PHF14: variants seen among roughly 807,000 people sequenced by gnomAD.
PHF14 encodes the protein PHD finger protein 14.
A neutral mutation model predicts 117.9 loss-of-function variants in PHF14; 55 were observed. That is an observed-to-expected ratio of 0.47 (90% CI 0.38 to 0.58). The LOEUF (loss-of-function observed/expected upper bound fraction) is 0.58, where lower values mean the gene tolerates loss of function less well. Among genes scored for constraint, PHF14 ranks in the 20% least tolerant of loss-of-function variants. The probability of loss-of-function intolerance (pLI) is 0.00; values close to 1 mark genes in which losing one functional copy is unlikely to be tolerated. For missense variants in PHF14, 978 were observed against 1,122.2 expected, an observed-to-expected ratio of 0.87 and a Z score of 1.84; for synonymous variants, 409 against 368.6, an observed-to-expected ratio of 1.11 and a Z score of -1.26.
chr7:11,072,678 G>C (rs978339614), intron 16 of PHF14, among the ~76,000 whole-genome samples: 1 of 132,862 alleles, frequency 7.5e-6, no homozygotes, highest in Non-Finnish European at 1.5e-5. Flanking sequence ...TATTGTGTTT[G>C]TCAGTCTGTT....
At chr7:11,086,660 T>G (rs1208082277) in intron 16 of PHF14, among the ~76,000 whole-genome samples, 1 of 152,230 alleles carries the variant, frequency 6.6e-6, no homozygotes, top group Admixed American at 6.5e-5. Flanking sequence ...TAATTAGTGG[T>G]ACTTATTTAA....
chr7:11,129,825 A>G (rs1788042104), intron 17 of PHF14, among the ~76,000 whole-genome samples: 1 of 152,030 alleles, frequency 6.6e-6, no homozygotes, highest in African/African-American at 2.4e-5. Flanking sequence ...TATCAAATTT[A>G]AAGTGTTAAA....
intron 17 of PHF14, among the ~76,000 whole-genome samples, chr7:11,122,517 CT>C (rs1016359139): frequency 6.7e-5 from 10 of 149,406 alleles, no homozygotes. Flanking sequence ...AGAACCCTAT[CT>C]TTATGCCCTA....
chr7:11,115,286 C>G (rs934348313), intron 17 of PHF14, among the ~76,000 whole-genome samples: 3 of 152,040 alleles, frequency 2.0e-5, no homozygotes, highest in African/African-American at 7.2e-5. Flanking sequence ...GACTTATCCC[C>G]TTTTTAACCA....
At chr7:11,079,059 C>T (rs1785978474) in intron 16 of PHF14, among the ~76,000 whole-genome samples, 3 of 152,118 alleles carry the variant, frequency 2.0e-5, no homozygotes, top group African/African-American at 2.4e-5. Flanking sequence ...GGAGCAATTA[C>T]ATTTATCCTA....
intron 17 of PHF14, among the ~76,000 whole-genome samples, chr7:11,145,106 T>G (rs1788508288): frequency 1.3e-5 from 2 of 151,964 alleles, no homozygotes. Context: ...AATTTTTATG[T>G]CTATTTTATA....
At chr7:11,052,867 T>C (rs1784889570) in intron 14 of PHF14, among the ~76,000 whole-genome samples, 1 of 152,136 alleles carries the variant, frequency 6.6e-6, no homozygotes, top group Non-Finnish European at 1.5e-5. Flanking sequence ...TCTGGGGAAA[T>C]CATTTATGTT....
chr7:10,983,507 T>G (rs1164170032), intron 3 of PHF14, among the ~76,000 whole-genome samples: 2 of 152,192 alleles, frequency 1.3e-5, no homozygotes, highest in Non-Finnish European at 2.9e-5. Context: ...GAGTGCATTA[T>G]GAAAACAAAG....
At chr7:10,978,909 T>C (rs543461727) in intron 2 of PHF14, among the ~76,000 whole-genome samples, 4 of 152,264 alleles carry the variant, frequency 2.6e-5, no homozygotes, top group South Asian at 2.1e-4. Context: ...TGTTGACTGA[T>C]TGGCTGTCTT....
intron 16 of PHF14, chr7:11,104,615 T>C (rs1472976507): frequency 1.4e-5 from 14 of 983,104 alleles, no homozygotes; most frequent in Non-Finnish European, 1.7e-5. Flanking sequence ...GGAGATGAAA[T>C]GTCTCTGAAA....
intron 2 of PHF14, among the ~76,000 whole-genome samples, chr7:10,978,686 A>G (rs886910696): frequency 2.9e-4 from 44 of 152,156 alleles, no homozygotes; most frequent in Non-Finnish European, 4.9e-4. Flanking sequence ...ATGTTTAGCA[A>G]CAACAACCTT....
At chr7:11,095,332 G>A (rs1583461144) in intron 16 of PHF14, among the ~76,000 whole-genome samples, 1 of 152,340 alleles carries the variant, frequency 6.6e-6, no homozygotes, top group East Asian at 1.9e-4. Flanking sequence ...GATACTGACA[G>A]AGCTGGGATT....
intron 16 of PHF14, among the ~76,000 whole-genome samples, chr7:11,084,259 G>A (rs1329994107): frequency 2.6e-5 from 4 of 151,966 alleles, no homozygotes; most frequent in Non-Finnish European, 5.9e-5. Flanking sequence ...TACACAGATA[G>A]CCATTTATTT....
chr7:11,015,464 GC>G (rs747457217), intron 5 of PHF14, among the ~76,000 whole-genome samples: 5 of 152,162 alleles, frequency 3.3e-5, no homozygotes, highest in Non-Finnish European at 5.9e-5. Flanking sequence ...TGTATCATAG[GC>G]ATAGGCATTA....
In PHF14 at chr7:11,095,409, A is replaced by G. The variant is rs73277669; in HGVS notation, c.2655-15941A>G. On this transcript the variant is annotated intron_variant, in intron 16 of 17. Coordinates refer to ENST00000634607, the MANE Select transcript of PHF14 (RefSeq NM_001007157.2). ...ATGAGGCTGTGCTGCTTCTCAAAAA[A>G]TAATTTGCTCTGAGGATATGATGGG... Among the ~76,000 whole-genome samples, 236 of 152,330 alleles carry G rather than the reference A, an allele frequency of 1.5e-3. 2 individuals carry two copies. Among genetic ancestry groups the G allele is most frequent in the African/African-American group, 5.6e-3 (232 of 41,572 alleles).
chr7:11,169,552 A>T lies in PHF14; in HGVS notation c.*62A>T, dbSNP rs1358348921. Reference sequence around the variant, plus strand: ...TATGTAATAGCAGATAAAATTTCTAATTGTAAAATGTTAAATTGTAAAATC... The same window carrying T: ...TATGTAATAGCAGATAAAATTTCTATTTGTAAAATGTTAAATTGTAAAATC... On this transcript the variant is annotated 3_prime_UTR_variant, in exon 18 of 18. Transcript: ENST00000634607. The T allele has an allele frequency of 7.4e-6, 5 of 675,148 alleles. No homozygotes were observed. The African/African-American group carries it at 9.5e-5, about 13-fold the overall frequency. The allele number at this position is 675,148 out of a possible 1,614,324, so 41.8% of individuals were successfully genotyped here. A position where few individuals can be genotyped will look rare whatever the true frequency, so the allele number is the denominator to read the frequency against.
chr7:11,004,121 G>A (rs750325250), intron 4 of PHF14, among the ~76,000 whole-genome samples: 2 of 151,578 alleles, frequency 1.3e-5, no homozygotes, highest in African/African-American at 2.4e-5. Flanking sequence ...GGTGGCTTGC[G>A]CCTGTAGTCC....
intron 17 of PHF14, among the ~76,000 whole-genome samples, chr7:11,126,430 A>G (rs565581409): frequency 1.4e-4 from 22 of 152,206 alleles, no homozygotes; most frequent in Admixed American, 1.2e-3. Flanking sequence ...CCTTGTGACA[A>G]TGTTGAAGCT....
At chr7:10,999,074 G>C (rs1782765089) in intron 4 of PHF14, among the ~76,000 whole-genome samples, 1 of 152,144 alleles carries the variant, frequency 6.6e-6, no homozygotes, top group African/African-American at 2.4e-5. Flanking sequence ...GTTAAGTGAT[G>C]GAGTGCCCCA....
Sources: gnomAD v4.1 joint callset for allele counts (sites outside exome capture counted in the v4.1 genomes callset) on GRCh38, gnomAD v4.1.1 for gene constraint, MANE v1.5 for transcripts, NCBI Gene and HGNC (gene_info 2026-07-23, HGNC 2026-07-21) for gene names.